RANBP2: variants seen among roughly 807,000 people sequenced by gnomAD.
The protein encoded by RANBP2 is RAN binding protein 2.
RANBP2 carries 57 observed loss-of-function variants against 303.6 expected under a neutral mutation model. The observed-to-expected ratio is 0.19, with a 90% CI of 0.15 to 0.23. RANBP2 has a LOEUF of 0.23. Ranked by LOEUF, RANBP2 falls within the 10% of genes least tolerant of loss-of-function variation. The pLI, the probability that RANBP2 is intolerant of heterozygous loss-of-function variation, is 1.00. For missense variants in RANBP2, 3,138 were observed against 3,780.8 expected, an observed-to-expected ratio of 0.83 and a Z score of 4.46; for synonymous variants, 1,167 against 1,301.5, an observed-to-expected ratio of 0.90 and a Z score of 2.23.
the RANBP2 span, among the ~76,000 whole-genome samples, chr2:109,097,315 AAAAAC>A: frequency 0.18 from 27,400 of 148,718 alleles, 3,347 homozygotes; most frequent in East Asian, 0.64. Context: ...AAACAAAACA[AAAAAC>A]AAAACAAAAC....
chr2:109,420,116 A>G, the RANBP2 span, among the ~76,000 whole-genome samples: 10 of 152,236 alleles, frequency 6.6e-5, no homozygotes, highest in Middle Eastern at 3.2e-3. Flanking sequence ...CTCATCCCCA[A>G]ATATAACCAG....
chr2:109,427,898 C>G, the RANBP2 span, among the ~76,000 whole-genome samples: 1 of 152,384 alleles, frequency 6.6e-6, no homozygotes, highest in East Asian at 1.9e-4. Flanking sequence ...TGAGGCCATA[C>G]CTGCAGCTCC....
At chr2:109,437,065 A>G in the RANBP2 span, 67 of 1,613,506 alleles carry the variant, frequency 4.2e-5, no homozygotes, top group Non-Finnish European at 5.5e-5. Context: ...CCAGCACCCC[A>G]CAGCCTCGCC....
At chr2:109,168,459 G>C in the RANBP2 span, among the ~76,000 whole-genome samples, 1 of 152,136 alleles carries the variant, frequency 6.6e-6, no homozygotes, top group Non-Finnish European at 1.5e-5. Context: ...CTTGGCAGGA[G>C]GGAGAGGGCA....
At chr2:109,602,068 G>C in the RANBP2 span, among the ~76,000 whole-genome samples, 7 of 152,142 alleles carry the variant, frequency 4.6e-5, no homozygotes, top group Non-Finnish European at 1.0e-4. Context: ...GAGCTGCCTA[G>C]GAAGCACTGA....
the RANBP2 span, among the ~76,000 whole-genome samples, chr2:109,004,034 G>A: frequency 6.6e-6 from 1 of 152,184 alleles, no homozygotes; most frequent in Admixed American, 6.5e-5. Flanking sequence ...AGCACTTTAA[G>A]GACAAAGAGT....
At chr2:108,891,792 G>A in the RANBP2 span, among the ~76,000 whole-genome samples, 1 of 152,136 alleles carries the variant, frequency 6.6e-6, no homozygotes, top group African/African-American at 2.4e-5. Context: ...GGTGTGCATT[G>A]ATGTTGGTGG....
chr2:109,010,323 A>AC, the RANBP2 span, among the ~76,000 whole-genome samples: 5 of 63,546 alleles, frequency 7.9e-5, no homozygotes, highest in South Asian at 5.6e-4. Flanking sequence ...CCCCACCCCC[A>AC]CCCCCCCAGC....
chr2:108,900,412 G>A, the RANBP2 span, among the ~76,000 whole-genome samples: 1 of 152,196 alleles, frequency 6.6e-6, no homozygotes, highest in Admixed American at 6.5e-5. Context: ...AAAATTAGCT[G>A]GTGTGGTGGC....
chr2:109,385,132 C>T, the RANBP2 span, among the ~76,000 whole-genome samples: 2 of 152,216 alleles, frequency 1.3e-5, no homozygotes, highest in Non-Finnish European at 2.9e-5. Flanking sequence ...CCCACGTTGG[C>T]ATCAGACAGT....
chr2:109,331,423 C>A, the RANBP2 span, among the ~76,000 whole-genome samples: 1 of 152,046 alleles, frequency 6.6e-6, no homozygotes, highest in Non-Finnish European at 1.5e-5. Flanking sequence ...AGAACTGGGG[C>A]CTTAACCAGG....
At chr2:108,987,334 G>C in the RANBP2 span, among the ~76,000 whole-genome samples, 1 of 152,224 alleles carries the variant, frequency 6.6e-6, no homozygotes, top group South Asian at 2.1e-4. Flanking sequence ...CCATTTAACA[G>C]AGGCAAGTAG....
the RANBP2 span, among the ~76,000 whole-genome samples, chr2:109,630,472 C>T: frequency 6.6e-6 from 1 of 152,206 alleles, no homozygotes; most frequent in Non-Finnish European, 1.5e-5. Flanking sequence ...CTATACTGTC[C>T]ATTCTGCCCT....
chr2:108,913,562 C>G, the RANBP2 span, among the ~76,000 whole-genome samples: 1 of 152,102 alleles, frequency 6.6e-6, no homozygotes, highest in Non-Finnish European at 1.5e-5. Context: ...CCTGTAATCC[C>G]AGCACTTTGG....
chr2:108,873,467 C>T, the RANBP2 span: 2 of 1,599,428 alleles, frequency 1.3e-6, no homozygotes, highest in Non-Finnish European at 1.7e-6. Context: ...TGCAGCCTTT[C>T]CTGGAAGCCT....
At chr2:109,084,218 G>T in the RANBP2 span, among the ~76,000 whole-genome samples, 1 of 152,258 alleles carries the variant, frequency 6.6e-6, no homozygotes, top group East Asian at 1.9e-4. Flanking sequence ...GAACTAACTA[G>T]GTACCAGCAT....
At chr2:109,250,014 G>A in the RANBP2 span, among the ~76,000 whole-genome samples, 1 of 149,608 alleles carries the variant, frequency 6.7e-6, no homozygotes, top group Non-Finnish European at 1.5e-5. Flanking sequence ...TTTTAAGTCA[G>A]TGAAATATAA....
chr2:109,189,713 C>T, the RANBP2 span, among the ~76,000 whole-genome samples: 1 of 152,096 alleles, frequency 6.6e-6, no homozygotes, highest in Non-Finnish European at 1.5e-5. Flanking sequence ...TGTAAAAGCC[C>T]ATTAAAAATA....
chr2:109,761,396 G>A, the RANBP2 span, among the ~76,000 whole-genome samples: 1 of 150,628 alleles, frequency 6.6e-6, no homozygotes, highest in African/African-American at 2.4e-5. Flanking sequence ...GTTCCTCTGG[G>A]CCCTTTCTTC....
Sources: gnomAD v4.1 joint callset for allele counts (sites outside exome capture counted in the v4.1 genomes callset) on GRCh38, gnomAD v4.1.1 for gene constraint, MANE v1.5 for transcripts, NCBI Gene and HGNC (gene_info 2026-07-23, HGNC 2026-07-21) for gene names.